Variants in TPTE observed in about 807,000 individuals in gnomAD.
TPTE encodes transmembrane phosphatase with tensin homology.
TPTE carries 59 observed loss-of-function variants against 84.1 expected under a neutral mutation model. The ratio of observed to expected loss-of-function variants is 0.70; its 90% confidence interval spans 0.57 to 0.87. The LOEUF (loss-of-function observed/expected upper bound fraction) is 0.87. TPTE is among the 40% of genes least tolerant of loss of function. TPTE has a pLI of 0.00. For synonymous variants in TPTE, 130 were observed against 223.5 expected (o/e 0.58, Z 3.73); for missense variants, 382 against 659.6 (o/e 0.58, Z 4.61).
At chr21:10,540,758 T>C (rs2074354432) in intron 4 of TPTE, 1 of 520,938 alleles carries the variant, frequency 1.9e-6, no homozygotes, top group Non-Finnish European at 3.8e-6. Context: ...GAGGAGGTGA[T>C]TGGAGGTGAT....
In TPTE at chr21:10,566,870, G is replaced by A. The variant is rs189018325; in HGVS notation, c.447-800G>A. 1.5e-3 allele frequency among the ~76,000 whole-genome samples: 230 copies of A among 152,282 alleles called. No individual in the cohort carries two copies. The East Asian group carries it at 0.029, about 19-fold the overall frequency. ...CGGGCACCTGTAATCCCAGCTACTCGTGAGGCTGAGGCAGGAGAATCGCTT... is the reference window on the plus strand; with the variant it reads ...CGGGCACCTGTAATCCCAGCTACTCATGAGGCTGAGGCAGGAGAATCGCTT... On this transcript the variant is annotated intron_variant, in intron 10 of 23. Coordinates refer to ENST00000618007, the MANE Select transcript of TPTE (RefSeq NM_199261.4).
chr21:10,561,400 G>A (rs2074801385), intron 10 of TPTE, among the ~76,000 whole-genome samples: 1 of 152,182 alleles, frequency 6.6e-6, no homozygotes, highest in Admixed American at 6.5e-5. Context: ...GCTGAGGCAG[G>A]AGAATCGTTT....
intron 4 of TPTE, 58 bp from the exon 5 acceptor site, chr21:10,541,054 T>C: frequency 1.2e-6 from 2 of 1,608,296 alleles, no homozygotes; most frequent in Non-Finnish European, 1.7e-6. Context: ...TGTAGCTATT[T>C]GTTGCAAAAC....
At chr21:10,602,944 G>T (rs1288334863) in intron 22 of TPTE, among the ~76,000 whole-genome samples, 1 of 152,310 alleles carries the variant, frequency 6.6e-6, no homozygotes, top group Admixed American at 6.5e-5. Flanking sequence ...ATGAGTCTCT[G>T]CTGTGACTGA....
At chr21:10,597,883 C>T in intron 20 of TPTE, 132 bp from the exon 21 acceptor site, 1 of 1,267,966 alleles carries the variant, frequency 7.9e-7, no homozygotes, top group Non-Finnish European at 1.1e-6. Flanking sequence ...CATGCAAGAC[C>T]AAATAAGTGA....
intron 23 of TPTE, among the ~76,000 whole-genome samples, chr21:10,605,060 A>T (rs1224508366): frequency 6.6e-6 from 1 of 152,312 alleles, no homozygotes; most frequent in Non-Finnish European, 1.5e-5. Flanking sequence ...TTGCAACCTC[A>T]CACATAAATT....
At chr21:10,576,388 C>T (rs1463995742) in intron 14 of TPTE, 4 of 218,818 alleles carry the variant, frequency 1.8e-5, no homozygotes, top group South Asian at 6.3e-5. Context: ...AGCCTAGTCT[C>T]CATGGTCTCT....
chr21:10,525,334 G>A (rs1469751745), intron 2 of TPTE, among the ~76,000 whole-genome samples: 1 of 152,304 alleles, frequency 6.6e-6, no homozygotes, highest in Non-Finnish European at 1.5e-5. Context: ...GTATGAGGGT[G>A]GCCTGTAGTG....
At chr21:10,592,452 GA>G in intron 19 of TPTE, 79 bp downstream of exon 19, 1 of 1,557,176 alleles carries the variant, frequency 6.4e-7, no homozygotes. Context: ...TTTCATTTTA[GA>G]CTCCTCTCCT....
At chr21:10,570,370 T>A (rs563443809) in intron 13 of TPTE, 115 bp from the exon 14 acceptor site, 2 of 1,558,294 alleles carry the variant, frequency 1.3e-6, no homozygotes, top group East Asian at 4.5e-5. Context: ...TCAACCTCAA[T>A]CTTAAAAGGT....
intron 17 of TPTE, among the ~76,000 whole-genome samples, chr21:10,583,306 A>T (rs2075302874): frequency 6.6e-6 from 1 of 152,312 alleles, no homozygotes; most frequent in African/African-American, 2.4e-5. Context: ...TATGGTGGTG[A>T]TCATTTGCAT....
chr21:10,555,387 T>C (rs2074661500), intron 8 of TPTE, among the ~76,000 whole-genome samples: 1 of 152,308 alleles, frequency 6.6e-6, no homozygotes, highest in Non-Finnish European at 1.5e-5. Context: ...TTTGTATTTT[T>C]AGTAGAGATG....
intron 18 of TPTE, among the ~76,000 whole-genome samples, chr21:10,591,688 T>G (rs1173611430): frequency 6.6e-6 from 1 of 152,312 alleles, no homozygotes; most frequent in Non-Finnish European, 1.5e-5. Context: ...TCTAACTGGC[T>G]GCAGCATCTC....
intron 7 of TPTE, among the ~76,000 whole-genome samples, chr21:10,547,335 C>T (rs2074487579): frequency 6.6e-6 from 1 of 152,422 alleles, no homozygotes; most frequent in African/African-American, 2.4e-5. Context: ...CTGAAAGTTG[C>T]CACAGCATGG....
chr21:10,583,741 C>T (rs575481889), intron 17 of TPTE, among the ~76,000 whole-genome samples: 7 of 152,416 alleles, frequency 4.6e-5, no homozygotes, highest in Middle Eastern at 3.4e-3. Context: ...GTGAGGAAGG[C>T]GTCAGGTTTC....
chr21:10,569,889 T>G, intron 13 of TPTE, 143 bp downstream of exon 13: 1 of 1,580,510 alleles, frequency 6.3e-7, no homozygotes, highest in Admixed American at 1.7e-5. Context: ...TGTGACATAT[T>G]TGTGGTTTAG....
chr21:10,535,510 C>A (rs1302993543), intron 3 of TPTE, among the ~76,000 whole-genome samples: 1 of 152,102 alleles, frequency 6.6e-6, no homozygotes, highest in Non-Finnish European at 1.5e-5. Context: ...TTTTTCAGAC[C>A]AAATTGGATA....
chr21:10,570,136 G>C (rs981624323), intron 13 of TPTE, among the ~76,000 whole-genome samples: 1 of 152,312 alleles, frequency 6.6e-6, no homozygotes, highest in Non-Finnish European at 1.5e-5. Context: ...AAGCACCTTG[G>C]GAGTTCCCAC....
chr21:10,570,472 T>C lies in TPTE; in HGVS notation c.731-13T>C, dbSNP rs572988924. The C allele has an allele frequency of 1.7e-5, 28 of 1,614,070 alleles. No individual in the cohort carries two copies. In the African/African-American group the frequency reaches 3.6e-4, roughly 21 times the overall value. On this transcript the variant is annotated splice_polypyrimidine_tract_variant and intron_variant, in intron 13 of 23. Transcript: ENST00000618007. Reference sequence around the variant, plus strand: ...ATAATAATGTTTGTAATAGTGATGATTTTGACTTTTAGAACGTATTATTGC... The same window carrying C: ...ATAATAATGTTTGTAATAGTGATGACTTTGACTTTTAGAACGTATTATTGC...
Sources: allele counts gnomAD v4.1 joint callset (sites outside exome capture counted in the v4.1 genomes callset), GRCh38; gene constraint gnomAD v4.1.1; transcripts MANE v1.5; gene names NCBI Gene and HGNC (gene_info 2026-07-23, HGNC 2026-07-21).